Variants in NAV1 observed in about 807,000 individuals in gnomAD.
The protein encoded by NAV1 is neuron navigator 1.
In NAV1, 18 loss-of-function variants were observed where a neutral mutation model predicts 175.2. The observed-to-expected ratio is 0.10, with a 90% CI of 0.07 to 0.15. NAV1 has a LOEUF of 0.15. Among genes scored for constraint, NAV1 ranks in the 10% least tolerant of loss-of-function variants. The pLI is 1.00. For missense variants in NAV1, 1,731 were observed against 2,436.6 expected (o/e 0.71, Z 6.10); for synonymous variants, 897 against 978.7 (o/e 0.92, Z 1.56).
chr1:201,802,517 G>A (rs1296049669), intron 15 of NAV1, among the ~76,000 whole-genome samples: 4 of 149,576 alleles, frequency 2.7e-5, no homozygotes, highest in South Asian at 2.1e-4. Flanking sequence ...GCAGTGGCTC[G>A]TGCCTGTAAT....
intron 1 of NAV1, among the ~76,000 whole-genome samples, chr1:201,555,012 C>T (rs541450961): frequency 7.6e-4 from 115 of 152,252 alleles, no homozygotes; most frequent in African/African-American, 2.7e-3. Flanking sequence ...CCATCTCCTC[C>T]CTGTGGCCTT....
chr1:201,768,488 A>G (rs1675354274), intron 3 of NAV1, among the ~76,000 whole-genome samples: 1 of 152,050 alleles, frequency 6.6e-6, no homozygotes, highest in Non-Finnish European at 1.5e-5. Context: ...AAATTAAAAA[A>G]TTAGCCAGGC....
At chr1:201,677,784 C>T (rs1035534144) in intron 1 of NAV1, among the ~76,000 whole-genome samples, 4 of 152,158 alleles carry the variant, frequency 2.6e-5, no homozygotes, top group Non-Finnish European at 4.4e-5. Context: ...TGCGCCGCCA[C>T]GCCTGGCTAA....
chr1:201,551,690 C>T (rs942915581), intron 1 of NAV1, among the ~76,000 whole-genome samples: 1 of 152,166 alleles, frequency 6.6e-6, no homozygotes, highest in African/African-American at 2.4e-5. Flanking sequence ...AAGTACACCA[C>T]CAATTTTATC....
At chr1:201,781,367 C>T (rs570290942) in intron 5 of NAV1, 58 bp downstream of exon 9, 5 of 1,478,858 alleles carry the variant, frequency 3.4e-6, no homozygotes, top group East Asian at 2.3e-5. Flanking sequence ...GGTTGCTCCT[C>T]TTCTTAGTGG....
At chr1:201,660,478 A>C (rs1373605482) in intron 1 of NAV1, among the ~76,000 whole-genome samples, 1 of 152,152 alleles carries the variant, frequency 6.6e-6, no homozygotes, top group East Asian at 1.9e-4. Flanking sequence ...TTCCCAGCCC[A>C]GCCTGTAGCT....
rs114089989 is a variant in NAV1, at chr1:201,623,984, A to G, written c.-101+378A>G. 6.2e-3 allele frequency among the ~76,000 whole-genome samples: 946 copies of G among 152,340 alleles called. 4 individuals are homozygous for G. Among genetic ancestry groups the G allele is most frequent in the Non-Finnish European group, 0.011 (736 of 68,030 alleles). ...AGGCAGTGTCAGTCTCACCCAATTC[A>G]TTGTGGGACATTTGCCAACATTGTG... is the stretch of plus-strand genomic sequence containing the variant. On this transcript the variant is annotated intron_variant, in intron 1 of 29. Transcript: ENST00000367302.
At chr1:201,654,127 GC>G (rs35552098) in intron 1 of NAV1, among the ~76,000 whole-genome samples, 1 of 152,148 alleles carries the variant, frequency 6.6e-6, no homozygotes, top group Non-Finnish European at 1.5e-5. Context: ...CAGTTCCTCT[GC>G]CCTGGGGAGA....
At chr1:201,722,914 C>G (rs1018830088) in intron 3 of NAV1, among the ~76,000 whole-genome samples, 2 of 152,150 alleles carry the variant, frequency 1.3e-5, no homozygotes, top group South Asian at 4.1e-4. Flanking sequence ...GAGACCAGTC[C>G]GGCCAACTGG....
At chr1:201,585,694 C>T (rs1316422835) in intron 1 of NAV1, among the ~76,000 whole-genome samples, 1 of 151,870 alleles carries the variant, frequency 6.6e-6, no homozygotes, top group African/African-American at 2.4e-5. Context: ...ATAAATGGAC[C>T]ACAAGCATAT....
At chr1:201,820,578 G>GA (rs1679325311) in exon 30 of NAV1, 1 of 152,370 alleles carries the variant, frequency 6.6e-6, no homozygotes, top group Non-Finnish European at 1.5e-5. Context: ...CCAAGGTAGA[G>GA]AGCTGCCCGC....
At chr1:201,727,072 G>C (rs184418128) in intron 3 of NAV1, among the ~76,000 whole-genome samples, 259 of 152,230 alleles carry the variant, frequency 1.7e-3, no homozygotes, top group African/African-American at 6.0e-3. Flanking sequence ...GAGAGAAGTG[G>C]TGCCTACTCT....
At chr1:201,751,033 C>T (rs1473900746) in intron 3 of NAV1, among the ~76,000 whole-genome samples, 1 of 152,210 alleles carries the variant, frequency 6.6e-6, no homozygotes, top group Non-Finnish European at 1.5e-5. Context: ...AAGTCCTAGA[C>T]TGATCATAAA....
At chr1:201,747,087 G>C (rs1673819127) in intron 3 of NAV1, among the ~76,000 whole-genome samples, 1 of 152,138 alleles carries the variant, frequency 6.6e-6, no homozygotes, top group Non-Finnish European at 1.5e-5. Flanking sequence ...CCCTGGGCCT[G>C]AGATAAATCT....
At chr1:201,747,988 A>C (rs1162808553) in intron 3 of NAV1, among the ~76,000 whole-genome samples, 4 of 152,222 alleles carry the variant, frequency 2.6e-5, no homozygotes, top group Non-Finnish European at 5.9e-5. Flanking sequence ...TTCATGCCGA[A>C]CAACTTTGCA....
rs540425714 is a variant in NAV1, at chr1:201,788,580, G to A, written c.3108G>A (p.Leu1036=). Residue 1036 remains leucine (L), a synonymous_variant, in exon 10 of 30, where the codon CTG becomes CTA. Coordinates refer to ENST00000367296, the Ensembl canonical transcript of NAV1. The surrounding 1 kb of genome is among the most constrained non-coding windows in gnomAD (Gnocchi z 5.7). The stretch of plus-strand genomic sequence containing the variant: ...CCCAAATGGGGAGCACCCTGTCCCT[G>A]GCCGAGAGACCCAAGGGAATGATTC... 6.2e-7 allele frequency: 1 copy of A among 1,614,106 alleles called. No homozygotes were observed. Among genetic ancestry groups the A allele is most frequent in the Admixed American group, 1.7e-5 (1 of 60,020 alleles).
intron 3 of NAV1, among the ~76,000 whole-genome samples, chr1:201,764,931 G>A (rs1675102486): frequency 6.6e-6 from 1 of 152,168 alleles, no homozygotes; most frequent in African/African-American, 2.4e-5. Flanking sequence ...GACTGAGTGG[G>A]GTTCTGCCTA....
At chr1:201,789,740 T>C (rs1676986072) in exon 11 of NAV1, 2 of 1,614,102 alleles carry the variant, frequency 1.2e-6, no homozygotes, top group African/African-American at 1.3e-5. Context: ...TCTCTTTCAG[T>C]TCACGGCTCA....
At chr1:201,639,439 C>T (rs1668690514) in intron 2 of NAV1, among the ~76,000 whole-genome samples, 1 of 152,186 alleles carries the variant, frequency 6.6e-6, no homozygotes, top group South Asian at 2.1e-4. Flanking sequence ...AAGGAGAAAC[C>T]CCGTGCCTTG....
Sources: gnomAD v4.1 joint callset for allele counts (sites outside exome capture counted in the v4.1 genomes callset) on GRCh38, gnomAD v4.1.1 for gene constraint, Gnocchi (gnomAD v3.1) non-coding constraint, MANE v1.5 for transcripts, NCBI Gene and HGNC (gene_info 2026-07-23, HGNC 2026-07-21) for gene names.